EYA1: variants seen among roughly 807,000 people sequenced by gnomAD.
EYA1 encodes protein phosphatase EYA1.
Under a neutral mutation model 82.0 loss-of-function variants are expected in EYA1, and 16 were observed. The ratio of observed to expected loss-of-function variants is 0.20; its 90% confidence interval spans 0.13 to 0.30. The LOEUF (loss-of-function observed/expected upper bound fraction) is 0.30, where lower values mean the gene tolerates loss of function less well. EYA1 is among the 10% of genes least tolerant of loss of function. EYA1 has a pLI of 1.00. For synonymous variants in EYA1, 261 were observed against 264.4 expected, an observed-to-expected ratio of 0.99 and a Z score of 0.12; for missense variants, 633 against 730.7, an observed-to-expected ratio of 0.87 and a Z score of 1.54.
chr8:71,510,322 C>A (rs1225097669), intron 2 of EYA1, among the ~76,000 whole-genome samples: 1 of 152,138 alleles, frequency 6.6e-6, no homozygotes, highest in African/African-American at 2.4e-5. Context: ...CATAGTCAAC[C>A]AGCAGTTGCT....
intron 9 of EYA1, among the ~76,000 whole-genome samples, chr8:71,291,955 T>TA (rs1307597951): frequency 1.3e-5 from 2 of 152,130 alleles, no homozygotes; most frequent in African/African-American, 4.8e-5. Context: ...AGATTTGGGA[T>TA]AAAAAATATG....
At chr8:71,455,089 C>A (rs538434320) in intron 2 of EYA1, among the ~76,000 whole-genome samples, 1 of 152,232 alleles carries the variant, frequency 6.6e-6, no homozygotes, top group South Asian at 2.1e-4. Flanking sequence ...ACCACTGATC[C>A]ACAGAAATAC....
chr8:71,497,277 C>T (rs565297565), intron 2 of EYA1, among the ~76,000 whole-genome samples: 22 of 152,178 alleles, frequency 1.4e-4, no homozygotes, highest in Middle Eastern at 3.4e-3. Flanking sequence ...TGTGTTGGGC[C>T]GCATTCAAAG....
intron 2 of EYA1, among the ~76,000 whole-genome samples, chr8:71,524,883 A>G (rs1286068374): frequency 3.3e-5 from 5 of 152,248 alleles, no homozygotes; most frequent in Non-Finnish European, 1.5e-5. Flanking sequence ...TATAGAAAGA[A>G]GGAATAACTG....
chr8:71,241,691 T>C (rs1812494694), intron 12 of EYA1, among the ~76,000 whole-genome samples: 1 of 152,140 alleles, frequency 6.6e-6, no homozygotes, highest in African/African-American at 2.4e-5. Context: ...CTTAAATATA[T>C]TAAAATATTC....
chr8:71,220,990 TTAAC>T (rs1430582208), intron 12 of EYA1, among the ~76,000 whole-genome samples: 1 of 152,172 alleles, frequency 6.6e-6, no homozygotes, highest in Non-Finnish European at 1.5e-5. Context: ...AAGAGAGAAG[TTAAC>T]TAACTACACG....
intron 17 of EYA1, among the ~76,000 whole-genome samples, chr8:71,200,555 GTATATA>G (rs1349332917): frequency 6.6e-6 from 1 of 151,074 alleles, no homozygotes; most frequent in Non-Finnish European, 1.5e-5. Context: ...TGGTGTATCT[GTATATA>G]TGTTATTGAG....
Position 71,217,032 on chromosome 8 carries a change from C to T in EYA1, c.1141-9G>A, listed in dbSNP as rs780867410. The T allele has an allele frequency of 6.2e-6, 10 of 1,605,856 alleles. No individual in the cohort carries two copies. In the South Asian group the frequency reaches 9.9e-5, roughly 16 times the overall value. On this transcript the variant is annotated splice_polypyrimidine_tract_variant and intron_variant, in intron 12 of 17. Transcript: ENST00000340726. ...TGGACTTGGTCACATTCCTAAAATG[C>T]AATTAAAATGATACATGTCAATTTT...
At chr8:71,460,422 T>A (rs773666484) in intron 2 of EYA1, among the ~76,000 whole-genome samples, 1 of 152,194 alleles carries the variant, frequency 6.6e-6, no homozygotes, top group Non-Finnish European at 1.5e-5. Flanking sequence ...AAGAGAGCAC[T>A]TATCTTTGTC....
chr8:71,435,257 A>C lies in EYA1; in HGVS notation c.34-78746T>G, dbSNP rs180778136. Among the ~76,000 whole-genome samples, 38 of 152,218 alleles carry C rather than the reference A, an allele frequency of 2.5e-4. No individual in the cohort carries two copies. In the East Asian group the frequency reaches 6.8e-3, roughly 27 times the overall value. The stretch of plus-strand genomic sequence containing the variant: ...GTGGAATCTCTTACATTGCAATACT[A>C]AACTTATAATCTGCTTTTATTGTTT... On this transcript the variant is annotated intron_variant, in intron 2 of 18. Transcript: ENST00000643681.
chr8:71,540,814 GT>G (rs1427136733), intron 1 of EYA1, among the ~76,000 whole-genome samples: 2 of 152,082 alleles, frequency 1.3e-5, no homozygotes, highest in Non-Finnish European at 2.9e-5. Context: ...CAAGTGTTGA[GT>G]TTTCTAACAT....
intron 15 of EYA1, 23 bp from the exon 16 acceptor site, chr8:71,215,531 A>G: frequency 6.2e-7 from 1 of 1,613,126 alleles, no homozygotes; most frequent in South Asian, 1.1e-5. Context: ...AAAGAAAACA[A>G]AGACTGTTGA....
intron 2 of EYA1, among the ~76,000 whole-genome samples, chr8:71,463,582 TCTCTCTC>T (rs1808536074): frequency 5.2e-5 from 1 of 19,298 alleles, no homozygotes; most frequent in African/African-American, 9.3e-4. Context: ...GCTTTCTCTC[TCTCTCTC>T]TCTCTCTCTC....
intron 12 of EYA1, among the ~76,000 whole-genome samples, chr8:71,236,185 G>A (rs138816142): frequency 2.0e-5 from 3 of 152,052 alleles, no homozygotes; most frequent in East Asian, 1.9e-4. Context: ...ACAGGTACAC[G>A]CCATCACGCC....
At chr8:71,338,083 T>G (rs1425433645) in intron 3 of EYA1, among the ~76,000 whole-genome samples, 1 of 149,686 alleles carries the variant, frequency 6.7e-6, no homozygotes, top group Non-Finnish European at 1.5e-5. Flanking sequence ...AAGTCTTTCT[T>G]AAGATATAGA....
intron 3 of EYA1, among the ~76,000 whole-genome samples, chr8:71,353,702 T>G (rs902648556): frequency 1.3e-5 from 2 of 152,222 alleles, no homozygotes; most frequent in Non-Finnish European, 2.9e-5. Flanking sequence ...TAATACATAT[T>G]GGAATATCAC....
upstream of EYA1, among the ~76,000 whole-genome samples, chr8:71,363,029 CGTT>C (rs2129081206): frequency 6.6e-6 from 1 of 152,224 alleles, no homozygotes; most frequent in East Asian, 1.9e-4. Flanking sequence ...ACTAGTCACT[CGTT>C]GTAACCAATT....
intron 2 of EYA1, among the ~76,000 whole-genome samples, chr8:71,524,822 C>A (rs560404774): frequency 1.2e-4 from 18 of 152,146 alleles, no homozygotes; most frequent in Non-Finnish European, 1.9e-4. Flanking sequence ...ATGAAAAAAA[C>A]CAATTAAATA....
intron 2 of EYA1, among the ~76,000 whole-genome samples, chr8:71,422,147 T>C (rs1221758186): frequency 3.3e-5 from 5 of 152,210 alleles, no homozygotes; most frequent in Non-Finnish European, 4.4e-5. Context: ...ATTCTTCTGA[T>C]ACCTCTGAAA....
Sources: allele counts gnomAD v4.1 joint callset (sites outside exome capture counted in the v4.1 genomes callset), GRCh38; gene constraint gnomAD v4.1.1; transcripts MANE v1.5; gene names NCBI Gene and HGNC (gene_info 2026-07-23, HGNC 2026-07-21).